INSR: variants seen among roughly 807,000 people sequenced by gnomAD.
INSR encodes IR.
In INSR, 67 loss-of-function variants were observed where a neutral mutation model predicts 142.6. The observed-to-expected ratio is 0.47, with a 90% CI of 0.39 to 0.58. The LOEUF (loss-of-function observed/expected upper bound fraction) is 0.58. INSR is among the 20% of genes least tolerant of loss of function. INSR has a pLI of 0.00. For synonymous variants in INSR, 756 were observed against 743.1 expected, an observed-to-expected ratio of 1.02 and a Z score of -0.28; for missense variants, 1,248 against 1,833.2, an observed-to-expected ratio of 0.68 and a Z score of 5.83.
chr19:7,163,336 G>A (rs1973806311), intron 8 of INSR, 137 bp from the exon 9 acceptor site: 13 of 796,844 alleles, frequency 1.6e-5, no homozygotes, highest in Middle Eastern at 7.0e-4. Flanking sequence ...CAAGGCAGGC[G>A]GATCACGAGG....
rs1915312584 is a variant in INSR at position 7,184,459 on chromosome 19, G to A, written c.831C>T (p.Asp277=). Residue 277 remains aspartate (D), a synonymous_variant, in exon 3 of 22, where the codon GAC becomes GAT. Transcript: ENST00000302850. ...TCPPPYYHFQ[D]WRCVNFSFCQ... is the part of the protein sequence containing the mutation. ...AGAAGCTGAAGTTCACACAGCGCCA[G>A]TCCTGGAAGTGGTAGTACGGGGGCG... 1 of 1,613,994 alleles carries A rather than the reference G, an allele frequency of 6.2e-7. No individual in the cohort carries two copies. The highest frequency in any genetic ancestry group is 8.5e-7 in the Non-Finnish European group (1 of 1,180,038).
chr19:7,268,352 G>T, intron 1 of INSR: 1 of 830,660 alleles, frequency 1.2e-6, no homozygotes, highest in Non-Finnish European at 1.5e-6. Flanking sequence ...CCACCTCGCT[G>T]GCTGACTTTC....
At chr19:7,266,852 T>C (rs1967747675) in intron 2 of INSR, among the ~76,000 whole-genome samples, 1 of 152,130 alleles carries the variant, frequency 6.6e-6, no homozygotes, top group African/African-American at 2.4e-5. Flanking sequence ...ACAAGTGTCT[T>C]TTTCCAAATG....
intron 11 of INSR, among the ~76,000 whole-genome samples, chr19:7,148,499 A>G (rs1485134934): frequency 5.4e-4 from 6 of 11,142 alleles, no homozygotes; most frequent in African/African-American, 1.9e-3. Flanking sequence ...TTTTTTTGAG[A>G]CAGAGTCTCG....
chr19:7,125,900 TG>T lies in INSR; in HGVS notation c.3014-374del, dbSNP rs1160115092. On this transcript the variant is annotated intron_variant, in intron 16 of 21. Transcript: ENST00000302850. The surrounding 1 kb of genome is among the most constrained non-coding windows in gnomAD (Gnocchi z 4.9). ...GGATGGAAGACAGGTTGTAATAGGT[TG>T]GGGAAAAAAAAAGCCAGGATACTTG... Among the ~76,000 whole-genome samples the T allele has an allele frequency of 6.6e-6, 1 of 151,932 alleles. No homozygotes were observed. Among genetic ancestry groups the T allele is most frequent in the African/African-American group, 2.4e-5 (1 of 41,464 alleles).
chr19:7,268,593 C>A (rs1208308042), intron 1 of INSR: 1 of 985,218 alleles, frequency 1.0e-6, no homozygotes, highest in African/African-American at 1.7e-5. Flanking sequence ...GGCCTGCCCA[C>A]AACTCTTGCA....
At chr19:7,129,775 T>C (rs1318538728) in intron 14 of INSR, among the ~76,000 whole-genome samples, 1 of 151,838 alleles carries the variant, frequency 6.6e-6, no homozygotes, top group Non-Finnish European at 1.5e-5. Context: ...TCTTACTCTG[T>C]CACCCAGGCT....
Position 7,222,599 on chromosome 19 carries a change from C to T in INSR, c.653-37962G>A, listed in dbSNP as rs552510019. Among the ~76,000 whole-genome samples the T allele has an allele frequency of 4.6e-5, 7 of 152,170 alleles. No individual in the cohort carries two copies. The South Asian group carries it at 1.0e-3, about 23-fold the overall frequency. On this transcript the variant is annotated intron_variant, in intron 2 of 21. Coordinates refer to ENST00000302850, the MANE Select transcript of INSR (RefSeq NM_000208.4). Reference sequence around the variant, plus strand: ...TTAGAGACAGGGTCTTGCTACATTGCCCAGGTTGGTCTTGAATCCCTGGCC... The same window carrying T: ...TTAGAGACAGGGTCTTGCTACATTGTCCAGGTTGGTCTTGAATCCCTGGCC...
At chr19:7,229,870 A>T (rs1975915391) in intron 2 of INSR, among the ~76,000 whole-genome samples, 1 of 147,614 alleles carries the variant, frequency 6.8e-6, no homozygotes, top group South Asian at 2.1e-4. Context: ...GAGTCAAGTG[A>T]TGCTCCCACC....
chr19:7,164,608 C>G (rs1407569029), intron 8 of INSR, among the ~76,000 whole-genome samples: 5 of 131,016 alleles, frequency 3.8e-5, no homozygotes, highest in Non-Finnish European at 7.7e-5. Flanking sequence ...ACCTGAGGCT[C>G]GGAGTTCGAG....
At chr19:7,138,210 C>T (rs889399540) in intron 13 of INSR, among the ~76,000 whole-genome samples, 4 of 152,000 alleles carry the variant, frequency 2.6e-5, no homozygotes, top group African/African-American at 7.2e-5. Flanking sequence ...ATGATCCACC[C>T]GCCTCAGCCT....
chr19:7,262,897 G>A (rs532407427), intron 2 of INSR, among the ~76,000 whole-genome samples: 49 of 152,314 alleles, frequency 3.2e-4, no homozygotes, highest in African/African-American at 1.2e-3. Context: ...CAGTTTGGGA[G>A]GATGAGAAAG....
chr19:7,223,965 G>C (rs1293943952), intron 2 of INSR, among the ~76,000 whole-genome samples: 1 of 137,896 alleles, frequency 7.3e-6, no homozygotes, highest in Non-Finnish European at 1.6e-5. Flanking sequence ...TTTTTTTTTT[G>C]AGACCAGTCT....
intron 15 of INSR, 83 bp from the exon 16 acceptor site, chr19:7,126,734 C>T: frequency 8.2e-7 from 1 of 1,219,724 alleles, no homozygotes. Flanking sequence ...CTCCCCAAGG[C>T]AAATGGCAGC....
At chr19:7,293,334 A>G (rs1307604473) in intron 1 of INSR, among the ~76,000 whole-genome samples, 1 of 152,078 alleles carries the variant, frequency 6.6e-6, no homozygotes, top group Non-Finnish European at 1.5e-5. Flanking sequence ...AGGCAGCGTC[A>G]CCCACCGGTG....
rs121913148 is a variant in INSR at position 7,125,482 on chromosome 19, C to T, written c.3059G>A (p.Arg1020Gln). The stretch of plus-strand genomic sequence containing the variant: ...CTCTCGAAGGAGGGTGATCTTCTCT[C>T]GAGACACCTCCCACTCGTCCGGCAC... Reference protein sequence around the residue: ...VYVPDEWEVSREKITLLRELG... With the variant: ...VYVPDEWEVSQEKITLLRELG... The change falls in exon 17 of 22, where the codon CGA becomes CAA. Residue 1020 changes from arginine (R) to glutamine (Q), a missense_variant. Arg to Gln is a conservative substitution (Grantham distance 43). Around this residue, in one of 3 missense-constraint regions of INSR, gnomAD observed 1,069 missense variants for 1,654.0 expected, o/e 0.65. Transcript: ENST00000302850. The surrounding 1 kb of genome is among the most constrained non-coding windows in gnomAD (Gnocchi z 4.9). 6.2e-6 allele frequency: 10 copies of T among 1,613,942 alleles called. No individual in the cohort carries two copies. Among genetic ancestry groups the T allele is most frequent in the Admixed American group, 1.7e-5 (1 of 60,000 alleles).
At chr19:7,220,704 A>G (rs1184705742) in intron 2 of INSR, among the ~76,000 whole-genome samples, 1 of 152,240 alleles carries the variant, frequency 6.6e-6, no homozygotes, top group Non-Finnish European at 1.5e-5. Context: ...AAAATTAAAT[A>G]AAATAATAGA....
At chr19:7,129,052 T>A in intron 14 of INSR, 98 bp from the exon 15 acceptor site, 2 of 891,608 alleles carry the variant, frequency 2.2e-6, no homozygotes, top group East Asian at 2.5e-5. Context: ...TGGGCCACCC[T>A]GTTCCTTCCC....
intron 1 of INSR, among the ~76,000 whole-genome samples, chr19:7,270,945 G>C (rs931675544): frequency 4.0e-5 from 6 of 150,362 alleles, no homozygotes; most frequent in South Asian, 2.1e-4. Context: ...ACCCGTAGTG[G>C]CAACTATTTG....
Sources: allele counts gnomAD v4.1 joint callset (sites outside exome capture counted in the v4.1 genomes callset), GRCh38; gene constraint gnomAD v4.1.1; regional missense constraint gnomAD v4.1.1; non-coding constraint Gnocchi (gnomAD v3.1); transcripts MANE v1.5; gene names NCBI Gene and HGNC (gene_info 2026-07-23, HGNC 2026-07-21).